DAPK1: variants seen among roughly 807,000 people sequenced by gnomAD.
DAPK1 encodes death-associated protein kinase 1.
A neutral mutation model predicts 144.9 loss-of-function variants in DAPK1; 56 were observed. The ratio of observed to expected loss-of-function variants is 0.39; its 90% CI spans 0.31 to 0.48. DAPK1 has a LOEUF of 0.48. Ranked by LOEUF, DAPK1 falls within the 20% of genes least tolerant of loss-of-function variation. DAPK1 has a pLI of 0.95. For missense variants in DAPK1, 1,454 were observed against 1,875.4 expected, an observed-to-expected ratio of 0.78 and a Z score of 4.15; for synonymous variants, 690 against 749.0, an observed-to-expected ratio of 0.92 and a Z score of 1.29.
At chr9:87,562,679 G>A (rs1826972901) in intron 2 of DAPK1, among the ~76,000 whole-genome samples, 1 of 152,200 alleles carries the variant, frequency 6.6e-6, no homozygotes, top group African/African-American at 2.4e-5. Context: ...GAAAGAAGTT[G>A]AGATTGTCCA....
chr9:87,568,571 AAAG>A (rs1316361640), intron 2 of DAPK1, among the ~76,000 whole-genome samples: 4 of 152,166 alleles, frequency 2.6e-5, no homozygotes, highest in Non-Finnish European at 4.4e-5. Context: ...AATGTTGGCT[AAAG>A]AGAGTGGGAA....
chr9:87,508,922 G>C (rs961619909), intron 2 of DAPK1, among the ~76,000 whole-genome samples: 41 of 152,314 alleles, frequency 2.7e-4, no homozygotes, highest in African/African-American at 9.6e-4. Flanking sequence ...AGAGAGAAGA[G>C]GTCAGAATTT....
rs1825664091 is a variant in DAPK1 at position 87,706,933 on chromosome 9, C to T, written c.3862C>T (p.His1288Tyr). ...CAGCAGCATCATGTGCTTCGGGTGT[C>T]ACGACGTCTACTCACAGGCCAGCCT... is the stretch of plus-strand genomic sequence containing the variant. The part of the protein sequence containing the change: ...SFSSIMCFGC[H>Y]DVYSQASLGM... The change falls in exon 26 of 26, where the codon CAC becomes TAC. Residue 1288 changes from histidine (H) to tyrosine (Y), a missense_variant. His to Tyr is a moderately conservative substitution (Grantham distance 83). Coordinates refer to ENST00000408954, the MANE Select transcript of DAPK1 (RefSeq NM_004938.4). This position sits in a 1 kb window ranked among gnomAD's most constrained non-coding sequence, Gnocchi z 9.0. 3.1e-6 allele frequency: 5 copies of T among 1,613,630 alleles called. No individual in the cohort carries two copies. In the East Asian group the frequency reaches 1.1e-4, roughly 36 times the overall value.
chr9:87,605,227 G>A (rs1409896268), intron 3 of DAPK1, 52 bp downstream of exon 3: 6 of 1,476,060 alleles, frequency 4.1e-6, no homozygotes, highest in Admixed American at 1.7e-5. Context: ...GCGTCAGCTG[G>A]CATCTTCGTT....
Position 87,706,884 on chromosome 9 carries a change from C to T in DAPK1, c.3813C>T (p.Thr1271=). 3 of 1,614,018 alleles carry T rather than the reference C, an allele frequency of 1.9e-6. No individual in the cohort carries two copies. The highest frequency in any genetic ancestry group is 2.5e-6 in the Non-Finnish European group (3 of 1,180,022). ...QTLKETSLTN[T]MGGYKESFSS... ...TGAAGGAAACCTCACTGACCAACAC[C>T]ATGGGGGGGTACAAGGAAAGCTTCA... Residue 1271 remains threonine, a synonymous_variant, in exon 26 of 26, where the codon ACC becomes ACT. Transcript: ENST00000408954. The surrounding 1 kb of genome is among the most constrained non-coding windows in gnomAD (Gnocchi z 9.0).
chr9:87,539,994 C>G (rs1825986789), intron 2 of DAPK1, among the ~76,000 whole-genome samples: 1 of 151,866 alleles, frequency 6.6e-6, no homozygotes, highest in Non-Finnish European at 1.5e-5. Flanking sequence ...AAGAAGCCGT[C>G]AAGTGCTTCC....
Position 87,651,513 on chromosome 9 carries a change from G to T in DAPK1, c.1627-14G>T, listed in dbSNP as rs367605840. On this transcript the variant is annotated splice_polypyrimidine_tract_variant and intron_variant, in intron 16 of 25. Transcript: ENST00000408954. ...AAGTGAAAAGCTCTCATGATCTCTG[G>T]GGTTTGTTTCCAGGACGGACACATT... 4.3e-5 allele frequency: 69 copies of T among 1,613,870 alleles called. No homozygotes were observed. In the African/African-American group the frequency reaches 6.7e-4, roughly 16 times the overall value.
intron 19 of DAPK1, among the ~76,000 whole-genome samples, chr9:87,672,456 A>G (rs551687617): frequency 6.6e-6 from 1 of 152,276 alleles, no homozygotes; most frequent in Admixed American, 6.5e-5. Context: ...TCCAGGGCAG[A>G]TTCCTGGCCT....
chr9:87,586,601 T>A (rs1196091688), intron 2 of DAPK1, among the ~76,000 whole-genome samples: 1 of 151,824 alleles, frequency 6.6e-6, no homozygotes, highest in Non-Finnish European at 1.5e-5. Context: ...GTATATCAAG[T>A]CAACTTTAAG....
chr9:87,652,732 T>C (rs1830495862), intron 17 of DAPK1, among the ~76,000 whole-genome samples: 3 of 140,536 alleles, frequency 2.1e-5, no homozygotes, highest in South Asian at 2.5e-4. Context: ...TCCTCCCACC[T>C]GATCCCGGGT....
At chr9:87,520,700 A>G (rs1825263617) in intron 2 of DAPK1, among the ~76,000 whole-genome samples, 1 of 152,342 alleles carries the variant, frequency 6.6e-6, no homozygotes, top group South Asian at 2.1e-4. Context: ...CAGAGCTTAA[A>G]GAAGTTAAGC....
At position 87,514,569 on chromosome 9, in the gene DAPK1, G is replaced by C. The variant is rs535222161; in HGVS notation, c.62+15430G>C. On this transcript the variant is annotated intron_variant, in intron 2 of 25. Transcript: ENST00000408954. ...ATCTAGGTCTGTGACTTGTTTTCTGGTTATTGAATTGAGCACAAGAACCAG... is the reference window on the plus strand; with the variant it reads ...ATCTAGGTCTGTGACTTGTTTTCTGCTTATTGAATTGAGCACAAGAACCAG... Among the ~76,000 whole-genome samples the C allele has an allele frequency of 4.6e-5, 7 of 152,276 alleles. No individual in the cohort carries two copies. The South Asian group carries it at 6.2e-4, about 14-fold the overall frequency.
intron 18 of DAPK1, 136 bp downstream of exon 18, chr9:87,658,263 C>A: frequency 1.7e-6 from 1 of 601,904 alleles, no homozygotes; most frequent in Non-Finnish European, 3.0e-6. Context: ...AGCTCCTCCA[C>A]TGCGGTAACA....
At chr9:87,690,977 G>A (rs1825035194) in intron 21 of DAPK1, among the ~76,000 whole-genome samples, 1 of 151,812 alleles carries the variant, frequency 6.6e-6, no homozygotes, top group Non-Finnish European at 1.5e-5. Flanking sequence ...TAATGATGAT[G>A]ATGTTGTTGT....
chr9:87,645,851 G>A (rs751293664), intron 11 of DAPK1, 44 bp from the exon 12 acceptor site: 7 of 1,603,882 alleles, frequency 4.4e-6, no homozygotes, highest in Non-Finnish European at 6.0e-6. Context: ...GAAAAGCATG[G>A]CTAGCAATGT....
intron 2 of DAPK1, among the ~76,000 whole-genome samples, chr9:87,530,811 A>G (rs1451012534): frequency 6.6e-6 from 1 of 152,142 alleles, no homozygotes; most frequent in Non-Finnish European, 1.5e-5. Context: ...ACAAACATCC[A>G]AAGAAACCCC....
At chr9:87,586,157 G>A (rs1013292005) in intron 2 of DAPK1, among the ~76,000 whole-genome samples, 18 of 152,022 alleles carry the variant, frequency 1.2e-4, no homozygotes, top group Admixed American at 2.0e-4. Context: ...ATATGATGGC[G>A]TGTACCTGTA....
chr9:87,699,694 A>G (rs1396693837), intron 23 of DAPK1, among the ~76,000 whole-genome samples: 1 of 152,362 alleles, frequency 6.6e-6, no homozygotes, highest in South Asian at 2.1e-4. Flanking sequence ...TGCCAGATAT[A>G]AAAATGGGGC....
At chr9:87,549,148 T>C (rs1226872000) in intron 2 of DAPK1, among the ~76,000 whole-genome samples, 5 of 152,076 alleles carry the variant, frequency 3.3e-5, no homozygotes, top group African/African-American at 7.2e-5. Flanking sequence ...TGTCCGTGTG[T>C]TCTCATCACT....
Sources: gnomAD v4.1 joint callset for allele counts (sites outside exome capture counted in the v4.1 genomes callset) on GRCh38, gnomAD v4.1.1 for gene constraint, Gnocchi (gnomAD v3.1) non-coding constraint, MANE v1.5 for transcripts, NCBI Gene and HGNC (gene_info 2026-07-23, HGNC 2026-07-21) for gene names.